RFC4: variants seen among roughly 807,000 people sequenced by gnomAD.
RFC4 encodes A1 37 kDa subunit.
RFC4 carries 38 observed loss-of-function variants against 47.6 expected under a neutral mutation model. The observed-to-expected ratio is 0.80, with a 90% CI of 0.62 to 1.05. RFC4 has a LOEUF of 1.05. Ranked by LOEUF, RFC4 falls within the 50% of genes least tolerant of loss-of-function variation. The pLI, the probability that RFC4 is intolerant of heterozygous loss-of-function variation, is 0.00. For synonymous variants in RFC4, 164 were observed against 150.0 expected (o/e 1.09, Z -0.68); for missense variants, 489 against 434.0 (o/e 1.13, Z -1.13).
chr3:186,795,773 A>G (rs1368873183), intron 4 of RFC4, among the ~76,000 whole-genome samples: 1 of 152,226 alleles, frequency 6.6e-6, no homozygotes, highest in Admixed American at 6.5e-5. Context: ...AGCCTGGGCA[A>G]TAGAGCGAGA....
At chr3:186,799,022 A>G (rs1722299156) in intron 3 of RFC4, among the ~76,000 whole-genome samples, 1 of 152,222 alleles carries the variant, frequency 6.6e-6, no homozygotes, top group Admixed American at 6.5e-5. Flanking sequence ...CTTACAGAAC[A>G]AACTATGAGA....
intron 4 of RFC4, among the ~76,000 whole-genome samples, chr3:186,795,182 T>C (rs1722218511): frequency 6.6e-6 from 1 of 152,190 alleles, no homozygotes; most frequent in Non-Finnish European, 1.5e-5. Context: ...TTTTGTTTAC[T>C]TTTTGTAGAG....
chr3:186,790,259 TA>T lies in RFC4; in HGVS notation c.883-5del. 1 of 1,612,540 alleles carries T rather than the reference TA, an allele frequency of 6.2e-7. No individual in the cohort carries two copies. Among genetic ancestry groups the T allele is most frequent in the Non-Finnish European group, 8.5e-7 (1 of 1,178,816 alleles). ...CATGACCCTCATCTATTAAATCCTA[TA>T]ATAAAAAAAACTTTTGGTATGATGA... On this transcript the variant is annotated splice_polypyrimidine_tract_variant and splice_region_variant and intron_variant, in intron 9 of 10. Coordinates refer to ENST00000296273, the MANE Select transcript of RFC4 (RefSeq NM_002916.5).
intron 1 of RFC4, 162 bp from the exon 2 acceptor site, chr3:186,804,886 C>A: frequency 1.6e-6 from 1 of 632,542 alleles, no homozygotes; most frequent in South Asian, 2.1e-5. Context: ...AAGGACATCA[C>A]CCCATGACCT....
At chr3:186,790,459 AC>A (rs1374420684) in intron 8 of RFC4, 53 bp from the exon 9 acceptor site, 31 of 1,238,408 alleles carry the variant, frequency 2.5e-5, no homozygotes, top group South Asian at 2.4e-4. Flanking sequence ...GACTAGACAT[AC>A]ACTCTGCCAA....
rs1579179941 is a variant in RFC4, at chr3:186,796,052, CACAT to C, written c.291-1279_291-1276del. Among the ~76,000 whole-genome samples, 1 of 144,370 alleles carries C rather than the reference CACAT, an allele frequency of 6.9e-6. No individual in the cohort carries two copies. The highest frequency in any genetic ancestry group is 2.1e-4 in the East Asian group (1 of 4,808). The allele number at this position is 144,370 out of a possible 152,430, so 94.7% of individuals were successfully genotyped here. A position where few individuals can be genotyped will look rare whatever the true frequency, so the allele number is the denominator to read the frequency against. ...ACACACACACACACACACACACACA[CACAT>C]TTAAATAAAAAACAAGAGTTGTGAT... On this transcript the variant is annotated intron_variant, in intron 4 of 10. Transcript: ENST00000296273. This position sits in a 1 kb window ranked among gnomAD's most constrained non-coding sequence, Gnocchi z 4.2.
chr3:186,804,702 A>G lies in RFC4; in HGVS notation c.12T>C (p.Phe4=). 3 of 1,613,140 alleles carry G rather than the reference A, an allele frequency of 1.9e-6. No individual in the cohort carries two copies. The highest frequency in any genetic ancestry group is 2.5e-6 in the Non-Finnish European group (3 of 1,179,520). ...TAGTACTGATGGATGTACCTTTAAG[A>G]AATGCTTGCATGGTACTTCACCCTG... MQA[F]LKGTSISTKP... The change falls in exon 2 of 11, where the codon TTT becomes TTC. Residue 4 remains phenylalanine (F), a synonymous_variant. Coordinates refer to ENST00000296273, the MANE Select transcript of RFC4 (RefSeq NM_002916.5).
intron 1 of RFC4, among the ~76,000 whole-genome samples, chr3:186,805,849 C>A (rs2108474927): frequency 6.6e-6 from 1 of 152,240 alleles, no homozygotes; most frequent in South Asian, 2.1e-4. Context: ...TAGAACAGTG[C>A]CTGGTACATG....
At position 186,796,026 on chromosome 3, in the gene RFC4, TACACACAC is replaced by T. The variant is rs3082241; in HGVS notation, c.291-1257_291-1250del. ...TTTTTGAAACTTCCCTCTAGTCTTT[TACACACAC>T]ACACACACACACACACACACATTTA... is the stretch of plus-strand genomic sequence containing the variant. On this transcript the variant is annotated intron_variant, in intron 4 of 10. Transcript: ENST00000296273. This position sits in a 1 kb window ranked among gnomAD's most constrained non-coding sequence, Gnocchi z 4.2. 5.1e-4 allele frequency among the ~76,000 whole-genome samples: 76 copies of T among 149,268 alleles called. No individual in the cohort carries two copies. The highest frequency in any genetic ancestry group is 1.4e-3 in the Admixed American group (21 of 14,990).
chr3:186,804,846 CTT>C (rs2108474441), intron 1 of RFC4, 122 bp from the exon 2 acceptor site: 2 of 846,116 alleles, frequency 2.4e-6, no homozygotes, highest in South Asian at 3.5e-5. Context: ...CGAAAATAAA[CTT>C]AGCCTTGTGC....
chr3:186,790,646 A>G (rs913828860), intron 8 of RFC4, among the ~76,000 whole-genome samples: 2 of 152,226 alleles, frequency 1.3e-5, no homozygotes, highest in South Asian at 2.1e-4. Context: ...AAGTTTGGGC[A>G]CACATGGATT....
intron 2 of RFC4, among the ~76,000 whole-genome samples, chr3:186,804,228 G>C (rs987955672): frequency 5.3e-5 from 8 of 152,076 alleles, no homozygotes; most frequent in Admixed American, 6.6e-5. Context: ...ATTGTAATGA[G>C]AAGAAGGAGG....
In RFC4 at chr3:186,793,613, C is replaced by T. The variant is rs1197635876; in HGVS notation, c.411-666G>A. 2.0e-5 allele frequency among the ~76,000 whole-genome samples: 3 copies of T among 152,006 alleles called. No individual in the cohort carries two copies. The highest frequency in any genetic ancestry group is 2.9e-5 in the Non-Finnish European group (2 of 68,018). ...ATCATAGCCATCCTAGTGGGAGTTA[C>T]GTGGTATTTCAATGTGGCTTTGATT... On this transcript the variant is annotated intron_variant, in intron 5 of 10. Transcript: ENST00000296273. The surrounding 1 kb of genome is among the most constrained non-coding windows in gnomAD (Gnocchi z 4.2).
intron 4 of RFC4, among the ~76,000 whole-genome samples, chr3:186,797,092 G>C (rs1722257108): frequency 6.6e-6 from 1 of 152,214 alleles, no homozygotes; most frequent in East Asian, 1.9e-4. Context: ...CCACTCCAGA[G>C]TCAGAGCCTA....
At position 186,793,814 on chromosome 3, in the gene RFC4, C is replaced by G. The variant is rs1722190410; in HGVS notation, c.410+844G>C. Among the ~76,000 whole-genome samples, 5 of 151,956 alleles carry G rather than the reference C, an allele frequency of 3.3e-5. No individual in the cohort carries two copies. In the South Asian group the frequency reaches 1.0e-3, roughly 32 times the overall value. On this transcript the variant is annotated intron_variant, in intron 5 of 10. Transcript: ENST00000296273. This position sits in a 1 kb window ranked among gnomAD's most constrained non-coding sequence, Gnocchi z 4.2. The stretch of plus-strand genomic sequence containing the variant: ...CTTGGCTCACTGCAAGCTCTGCCTC[C>G]TGGGTTCACGCCATACTCCTGCCTC...
In RFC4 at chr3:186,804,741, C is replaced by A. The variant is rs1259994961; in HGVS notation, c.-11-17G>T. 7.6e-6 allele frequency: 12 copies of A among 1,574,034 alleles called. No individual in the cohort carries two copies. In the Admixed American group the frequency reaches 7.7e-5, roughly 10 times the overall value. ...TACTTCACCCTGGTCAGGTGCAAGA[C>A]AGAAAAAAAAAGCTTTTATTGAAAC... On this transcript the variant is annotated splice_polypyrimidine_tract_variant and intron_variant, in intron 1 of 10. Coordinates refer to ENST00000296273, the MANE Select transcript of RFC4 (RefSeq NM_002916.5).
intron 4 of RFC4, 141 bp downstream of exon 4, chr3:186,797,394 G>T: frequency 1.7e-6 from 1 of 581,222 alleles, no homozygotes. Flanking sequence ...GAACAAAATG[G>T]CTCATGGGAT....
At chr3:186,803,300 G>A (rs903986220) in intron 2 of RFC4, among the ~76,000 whole-genome samples, 16 of 151,818 alleles carry the variant, frequency 1.1e-4, no homozygotes, top group African/African-American at 3.1e-4. Flanking sequence ...CTGACATTGC[G>A]CCACTGCACT....
At chr3:186,805,930 G>A (rs765683448) in intron 1 of RFC4, among the ~76,000 whole-genome samples, 1 of 152,232 alleles carries the variant, frequency 6.6e-6, no homozygotes, top group Non-Finnish European at 1.5e-5. Context: ...TGTTAAAGGA[G>A]CTAAGGCCTA....
Sources: gnomAD v4.1 joint callset for allele counts (sites outside exome capture counted in the v4.1 genomes callset) on GRCh38, gnomAD v4.1.1 for gene constraint, Gnocchi (gnomAD v3.1) non-coding constraint, MANE v1.5 for transcripts, NCBI Gene and HGNC (gene_info 2026-07-23, HGNC 2026-07-21) for gene names.